The following FBXL5 variants were observed in gnomAD, a reference collection of about 807,000 sequenced individuals.
FBXL5 encodes F-box/LRR-repeat protein 5.
FBXL5 carries 26 observed loss-of-function variants against 78.3 expected under a neutral mutation model. The ratio of observed to expected loss-of-function variants is 0.33; its 90% confidence interval spans 0.24 to 0.46. The LOEUF is 0.46. Among genes scored for constraint, FBXL5 ranks in the 20% least tolerant of loss-of-function variants. The pLI is 1.00. For missense variants in FBXL5, 710 were observed against 829.2 expected (o/e 0.86, Z 1.77); for synonymous variants, 295 against 282.5 (o/e 1.04, Z -0.45).
upstream of FBXL5, among the ~76,000 whole-genome samples, chr4:15,662,100 C>A (rs1349111898): frequency 6.6e-6 from 1 of 150,980 alleles, no homozygotes; most frequent in Non-Finnish European, 1.5e-5. Context: ...ATCACTCATG[C>A]CTATGCTACT....
intron 1 of FBXL5, among the ~76,000 whole-genome samples, chr4:15,649,166 A>T (rs1238171029): frequency 8.6e-5 from 13 of 150,470 alleles, no homozygotes; most frequent in Admixed American, 8.6e-4. Flanking sequence ...AACAAAGCCA[A>T]AAAAAAAAGA....
upstream of FBXL5, among the ~76,000 whole-genome samples, chr4:15,660,845 G>C (rs1717272335): frequency 6.6e-6 from 1 of 152,180 alleles, no homozygotes; most frequent in African/African-American, 2.4e-5. Flanking sequence ...GGGAGGCCGA[G>C]GTGGGCGGAT....
rs1473752232 is a variant in FBXL5, at chr4:15,604,589, C to T, written c.*1134G>A. The T allele has an allele frequency of 6.6e-6, 1 of 152,160 alleles. No homozygotes were observed. The highest frequency in any genetic ancestry group is 1.5e-5 in the Non-Finnish European group (1 of 68,030). 9.4% of individuals were successfully genotyped at this position (152,160 alleles called of 1,614,324 possible). A position where few individuals can be genotyped will look rare whatever the true frequency, so the allele number is the denominator to read the frequency against. On this transcript the variant is annotated 3_prime_UTR_variant, in exon 11 of 11. Transcript: ENST00000341285. ...ATGGCACCAATAGACTGGCTCAACG[C>T]AGAGTTGCCATAAACCTTCCATTTG...
intron 2 of FBXL5, among the ~76,000 whole-genome samples, chr4:15,643,447 C>G (rs1362303058): frequency 2.6e-5 from 4 of 152,252 alleles, no homozygotes; most frequent in Non-Finnish European, 5.9e-5. Context: ...AAGAAAGTCT[C>G]TCTACATCAT....
At chr4:15,679,807 A>T (rs1238078854) in intron 1 of FBXL5, among the ~76,000 whole-genome samples, 1 of 151,544 alleles carries the variant, frequency 6.6e-6, no homozygotes, top group Non-Finnish European at 1.5e-5. Flanking sequence ...TTCTCTGCTG[A>T]TAGGAGTGTA....
chr4:15,623,492 G>T (rs1030657208), intron 9 of FBXL5, among the ~76,000 whole-genome samples: 32 of 147,542 alleles, frequency 2.2e-4, no homozygotes, highest in African/African-American at 7.3e-4. Context: ...ATTTCAATAA[G>T]GTATGACAGT....
intron 10 of FBXL5, among the ~76,000 whole-genome samples, chr4:15,610,423 A>G (rs1311150169): frequency 6.6e-6 from 1 of 152,122 alleles, no homozygotes; most frequent in Non-Finnish European, 1.5e-5. Flanking sequence ...TTATACAAGC[A>G]CTGAAATTTC....
At chr4:15,615,601 G>A (rs1472897916) in intron 9 of FBXL5, among the ~76,000 whole-genome samples, 1 of 147,434 alleles carries the variant, frequency 6.8e-6, no homozygotes, top group Non-Finnish European at 1.5e-5. Flanking sequence ...ACACCAATCA[G>A]CACCCTGTGT....
chr4:15,659,829 G>A (rs1717220523), upstream of FBXL5: 1 of 668,508 alleles, frequency 1.5e-6, no homozygotes, highest in Middle Eastern at 7.3e-4. Flanking sequence ...AGAAAGAATG[G>A]TTCCATGTGT....
chr4:15,653,999 T>A (rs550486255), intron 1 of FBXL5, among the ~76,000 whole-genome samples: 1 of 152,256 alleles, frequency 6.6e-6, no homozygotes, highest in East Asian at 1.9e-4. Flanking sequence ...GTGAACTGGG[T>A]GTTTCTAAAT....
chr4:15,605,811 CAG>C lies in FBXL5; in HGVS notation c.2000-14_2000-13del. 6.2e-7 allele frequency: 1 copy of C among 1,600,082 alleles called. No individual in the cohort carries two copies. The highest frequency in any genetic ancestry group is 8.5e-7 in the Non-Finnish European group (1 of 1,176,706). ...ATCAGCATGAGGACCTGTATGAAAA[CAG>C]AAAAATGTGAAAGGAGGAATTTCTT... On this transcript the variant is annotated splice_polypyrimidine_tract_variant and intron_variant, in intron 10 of 10. Coordinates refer to ENST00000341285, the MANE Select transcript of FBXL5 (RefSeq NM_012161.4).
chr4:15,630,622 T>C (rs375820794), intron 6 of FBXL5, 44 bp downstream of exon 6: 133 of 1,471,456 alleles, frequency 9.0e-5, no homozygotes, highest in Non-Finnish European at 1.1e-4. Flanking sequence ...TAATTATCAA[T>C]TATTAAAACA....
chr4:15,625,855 C>G lies in FBXL5; in HGVS notation c.1247G>C (p.Ser416Thr). The change falls in exon 9 of 11, where the codon AGT (serine) becomes ACT (threonine). Residue 416 changes from serine (S) to threonine (T), a missense_variant. Physicochemically the swap from Ser to Thr is moderately conservative, Grantham distance 58. Coordinates refer to ENST00000341285, the MANE Select transcript of FBXL5 (RefSeq NM_012161.4). The stretch of plus-strand genomic sequence containing the variant: ...GCTTGTAGATGTTTTCAAAAAGCCA[C>G]TTTGATGAGATGTCAGAATTCCAAG... ...RALGILTSHQ[S>T]GFLKTSTSKI... The G allele has an allele frequency of 3.1e-6, 5 of 1,614,090 alleles. No homozygotes were observed. Among genetic ancestry groups the G allele is most frequent in the Non-Finnish European group, 4.2e-6 (5 of 1,180,014 alleles).
chr4:15,646,459 T>C (rs1332453002), intron 1 of FBXL5, among the ~76,000 whole-genome samples: 1 of 148,090 alleles, frequency 6.8e-6, no homozygotes, highest in East Asian at 1.9e-4. Context: ...TATCATTTTT[T>C]GGAAAAAAAA....
intron 2 of FBXL5, among the ~76,000 whole-genome samples, chr4:15,643,452 C>A (rs1715089737): frequency 6.6e-6 from 1 of 152,230 alleles, no homozygotes; most frequent in Non-Finnish European, 1.5e-5. Flanking sequence ...AGTCTCTCTA[C>A]ATCATTATCC....
At chr4:15,617,965 A>G (rs1367352911) in intron 9 of FBXL5, among the ~76,000 whole-genome samples, 2 of 152,194 alleles carry the variant, frequency 1.3e-5, no homozygotes, top group Non-Finnish European at 2.9e-5. Flanking sequence ...CCTGAACTTA[A>G]AAGTTGGAAG....
At chr4:15,659,803 G>A, upstream of FBXL5, 1 of 884,954 alleles carries the variant, frequency 1.1e-6, no homozygotes, top group Non-Finnish European at 1.4e-6. Flanking sequence ...GCTCTATTAT[G>A]GGCTGACTTG....
At chr4:15,661,621 C>T (rs1717314215), upstream of FBXL5, among the ~76,000 whole-genome samples, 1 of 152,164 alleles carries the variant, frequency 6.6e-6, no homozygotes, top group Non-Finnish European at 1.5e-5. Context: ...GTGCCTTAAG[C>T]AAGATGGGGT....
At chr4:15,633,607 T>C (rs1224670236) in intron 5 of FBXL5, among the ~76,000 whole-genome samples, 1 of 152,226 alleles carries the variant, frequency 6.6e-6, no homozygotes, top group African/African-American at 2.4e-5. Flanking sequence ...GAACTCATTT[T>C]TCTGGAGACA....
Sources: gnomAD v4.1 joint callset for allele counts (sites outside exome capture counted in the v4.1 genomes callset) on GRCh38, gnomAD v4.1.1 for gene constraint, MANE v1.5 for transcripts, NCBI Gene and HGNC (gene_info 2026-07-23, HGNC 2026-07-21) for gene names.